The following SIPA1L1 variants were observed in gnomAD, a reference collection of about 807,000 sequenced individuals.
The protein encoded by SIPA1L1 is signal induced proliferation associated 1 like 1.
Under a neutral mutation model 162.7 loss-of-function variants are expected in SIPA1L1, and 26 were observed. That is an observed-to-expected ratio of 0.16 (90% CI 0.12 to 0.22). The LOEUF (loss-of-function observed/expected upper bound fraction) is 0.22, where lower values mean the gene tolerates loss of function less well. Ranked by LOEUF, SIPA1L1 falls within the 10% of genes least tolerant of loss-of-function variation. The probability of loss-of-function intolerance (pLI) is 1.00; values close to 1 mark genes in which losing one functional copy is unlikely to be tolerated. For missense variants in SIPA1L1, 1,874 were observed against 2,241.0 expected (o/e 0.84, Z 3.31); for synonymous variants, 829 against 837.4 (o/e 0.99, Z 0.17).
At chr14:71,564,187 G>T (rs138212151) in intron 4 of SIPA1L1, among the ~76,000 whole-genome samples, 2 of 151,972 alleles carry the variant, frequency 1.3e-5, no homozygotes, top group Admixed American at 6.6e-5. Flanking sequence ...GGGCTCAATC[G>T]ATCCTCTTGC....
At chr14:71,697,149 G>A (rs918115019) in intron 13 of SIPA1L1, among the ~76,000 whole-genome samples, 1 of 152,120 alleles carries the variant, frequency 6.6e-6, no homozygotes, top group Non-Finnish European at 1.5e-5. Flanking sequence ...GATGGAAGAG[G>A]GTGGGTTGGG....
chr14:71,534,733 T>G (rs2053743588), intron 4 of SIPA1L1, among the ~76,000 whole-genome samples: 1 of 152,198 alleles, frequency 6.6e-6, no homozygotes, highest in South Asian at 2.1e-4. Context: ...CTCCCTAAAT[T>G]TGATGGTATC....
chr14:71,553,861 T>C (rs1189032260), intron 4 of SIPA1L1, among the ~76,000 whole-genome samples: 1 of 152,222 alleles, frequency 6.6e-6, no homozygotes. Context: ...TCTTGTCAGC[T>C]TTCTTAAATT....
chr14:71,443,723 C>G (rs2045110307), intron 2 of SIPA1L1, among the ~76,000 whole-genome samples: 1 of 152,122 alleles, frequency 6.6e-6, no homozygotes, highest in African/African-American at 2.4e-5. Context: ...CTTTTAAAAC[C>G]CAGACTTACA....
intron 2 of SIPA1L1, among the ~76,000 whole-genome samples, chr14:71,341,833 T>C (rs746767605): frequency 3.3e-5 from 5 of 152,170 alleles, no homozygotes; most frequent in Non-Finnish European, 5.9e-5. Context: ...CAGGACATGA[T>C]TTTACTCTTT....
At chr14:71,357,660 C>G (rs1418256376) in intron 2 of SIPA1L1, among the ~76,000 whole-genome samples, 1 of 152,210 alleles carries the variant, frequency 6.6e-6, no homozygotes, top group Non-Finnish European at 1.5e-5. Flanking sequence ...TTCCTGGGCT[C>G]AAGCGATTCT....
chr14:71,354,844 G>A (rs2037088007), intron 2 of SIPA1L1, among the ~76,000 whole-genome samples: 1 of 152,298 alleles, frequency 6.6e-6, no homozygotes, highest in Middle Eastern at 3.4e-3. Flanking sequence ...CAGTGCTAAA[G>A]CTAAGTGCAC....
At chr14:71,397,158 A>G (rs2041270610) in intron 2 of SIPA1L1, among the ~76,000 whole-genome samples, 1 of 152,170 alleles carries the variant, frequency 6.6e-6, no homozygotes, top group Non-Finnish European at 1.5e-5. Flanking sequence ...TATTTATTTT[A>G]TGATGGTGCA....
chr14:71,568,020 T>A (rs1383475445), intron 4 of SIPA1L1, among the ~76,000 whole-genome samples: 2 of 152,172 alleles, frequency 1.3e-5, no homozygotes, highest in Non-Finnish European at 2.9e-5. Flanking sequence ...CAACCAGAGG[T>A]CACTTTGATT....
Position 71,589,112 on chromosome 14 carries a change from T to C in SIPA1L1, c.1240T>C (p.Cys414Arg). 1 of 1,614,120 alleles carries C rather than the reference T, an allele frequency of 6.2e-7. No homozygotes were observed. Among genetic ancestry groups the C allele is most frequent in the Non-Finnish European group, 8.5e-7 (1 of 1,179,974 alleles). The part of the protein sequence containing the change: ...DDKSNELVMS[C>R]PYFRNEIGGE... Reference sequence around the variant, plus strand: ...TAAAAGCAATGAGCTTGTAATGAGCTGTCCATATTTTCGGAATGAGATAGG... The same window carrying C: ...TAAAAGCAATGAGCTTGTAATGAGCCGTCCATATTTTCGGAATGAGATAGG... The change falls in exon 5 of 24, where the codon TGT becomes CGT. Residue 414 changes from cysteine to arginine, a missense_variant. Around this residue, in one of 5 missense-constraint regions of SIPA1L1, gnomAD observed 685 missense variants for 828.0 expected, o/e 0.83. Coordinates refer to ENST00000381232, the MANE Select transcript of SIPA1L1 (RefSeq NM_001386936.1).
chr14:71,676,373 T>C (rs1479829347), intron 12 of SIPA1L1, among the ~76,000 whole-genome samples: 1 of 151,768 alleles, frequency 6.6e-6, no homozygotes, highest in East Asian at 1.9e-4. Flanking sequence ...AGACCCCTTA[T>C]GAATCGTTTC....
chr14:71,685,248 A>G (rs2046186638), intron 12 of SIPA1L1, 114 bp from the exon 13 acceptor site: 1 of 1,190,190 alleles, frequency 8.4e-7, no homozygotes, highest in Non-Finnish European at 1.2e-6. Flanking sequence ...GGTGGTTTGA[A>G]ACAGAGGGTG....
Position 71,715,965 on chromosome 14 carries a change from G to A in SIPA1L1, c.4208+6301G>A, listed in dbSNP as rs560283735. 8.5e-5 allele frequency among the ~76,000 whole-genome samples: 13 copies of A among 152,310 alleles called. No homozygotes were observed. In the South Asian group the frequency reaches 2.3e-3, roughly 27 times the overall value. On this transcript the variant is annotated intron_variant, in intron 17 of 23. Transcript: ENST00000381232. The stretch of plus-strand genomic sequence containing the variant: ...AGCGTTACAGGCTTTTCAGCTTGTG[G>A]TCCACGGTGATCCCTGAGGCTTCTA...
rs537991215 is a variant in SIPA1L1 at position 71,373,170 on chromosome 14, G to A, written c.-465+51989G>A. 2.0e-5 allele frequency among the ~76,000 whole-genome samples: 3 copies of A among 152,072 alleles called. No homozygotes were observed. The South Asian group carries it at 6.2e-4, about 32-fold the overall frequency. Reference sequence around the variant, plus strand: ...ACTAAAAATACAAAAAATTAGCCAGGCATGGTGGCACGTGCCTGTAGTCCC... The same window carrying A: ...ACTAAAAATACAAAAAATTAGCCAGACATGGTGGCACGTGCCTGTAGTCCC... On this transcript the variant is annotated intron_variant, in intron 2 of 23. Transcript: ENST00000381232.
At chr14:71,484,900 T>C (rs891581097) in intron 2 of SIPA1L1, among the ~76,000 whole-genome samples, 2 of 152,240 alleles carry the variant, frequency 1.3e-5, no homozygotes, top group African/African-American at 4.8e-5. Context: ...ACAAAACCTA[T>C]GCTTAGAGTT....
intron 12 of SIPA1L1, among the ~76,000 whole-genome samples, chr14:71,677,259 G>A (rs1468841215): frequency 6.6e-6 from 1 of 152,206 alleles, no homozygotes; most frequent in African/African-American, 2.4e-5. Context: ...TCTGTTGGCT[G>A]CATAAATGTC....
chr14:71,706,495 A>G (rs1235963709), intron 16 of SIPA1L1, among the ~76,000 whole-genome samples: 1 of 152,230 alleles, frequency 6.6e-6, no homozygotes, highest in Non-Finnish European at 1.5e-5. Context: ...TGGATTATAT[A>G]CTTTACACTC....
chr14:71,726,337 C>T (rs1343682610), intron 19 of SIPA1L1, among the ~76,000 whole-genome samples: 1 of 152,126 alleles, frequency 6.6e-6, no homozygotes, highest in Admixed American at 6.5e-5. Flanking sequence ...TCCATCAAAA[C>T]CCAAAGAGGT....
chr14:71,498,331 A>G (rs2049948588), intron 2 of SIPA1L1, among the ~76,000 whole-genome samples: 1 of 152,208 alleles, frequency 6.6e-6, no homozygotes, highest in Non-Finnish European at 1.5e-5. Context: ...TGTCTCTTTC[A>G]GGCATTCCTT....
Sources: allele counts gnomAD v4.1 joint callset (sites outside exome capture counted in the v4.1 genomes callset), GRCh38; gene constraint gnomAD v4.1.1; regional missense constraint gnomAD v4.1.1; transcripts MANE v1.5; gene names NCBI Gene and HGNC (gene_info 2026-07-23, HGNC 2026-07-21).